Variants in ARID4A observed in about 807,000 individuals in gnomAD.
ARID4A encodes the protein AT-rich interactive domain-containing protein 4A.
In ARID4A, 39 loss-of-function variants were observed where a neutral mutation model predicts 148.6. That is an observed-to-expected ratio of 0.26 (90% confidence interval 0.20 to 0.34). The LOEUF (loss-of-function observed/expected upper bound fraction) is 0.34. ARID4A is among the 10% of genes least tolerant of loss of function. The pLI is 1.00. For missense variants in ARID4A, 1,265 were observed against 1,449.1 expected (o/e 0.87, Z 2.06); for synonymous variants, 475 against 481.2 (o/e 0.99, Z 0.17).
chr14:58,321,667 T>A (rs1199548343), intron 7 of ARID4A, among the ~76,000 whole-genome samples: 2 of 152,110 alleles, frequency 1.3e-5, no homozygotes, highest in Non-Finnish European at 2.9e-5. Flanking sequence ...ATATAATGAG[T>A]ATTTTTAAAG....
intron 5 of ARID4A, among the ~76,000 whole-genome samples, chr14:58,317,326 A>C (rs1339172720): frequency 6.0e-5 from 8 of 133,972 alleles, no homozygotes; most frequent in African/African-American, 2.0e-4. Flanking sequence ...GCTCTGTCGT[A>C]GAGGCTGGAG....
At chr14:58,351,452 G>T in intron 16 of ARID4A, 129 bp downstream of exon 16, 1 of 1,233,598 alleles carries the variant, frequency 8.1e-7, no homozygotes, top group Non-Finnish European at 1.1e-6. Context: ...GTCTAATGAA[G>T]GTGAGACACA....
chr14:58,329,977 C>T (rs776025982), intron 10 of ARID4A, 26 bp from the exon 11 acceptor site: 1 of 1,585,562 alleles, frequency 6.3e-7, no homozygotes, highest in Admixed American at 1.9e-5. Context: ...TCCATAGCAA[C>T]TGCTGAAGTA....
rs749813377 is a variant in ARID4A, at chr14:58,347,825, A to T, written c.1351A>T (p.Ile451Phe). 5 of 1,613,792 alleles carry T rather than the reference A, an allele frequency of 3.1e-6. No individual in the cohort carries two copies. In the South Asian group the frequency reaches 5.5e-5, roughly 18 times the overall value. ...AGTGAAGAGTGAACCTGAGGAAAAT[A>T]TCGATTCAAACAGTGAAAGTGAAAG... is the stretch of plus-strand genomic sequence containing the variant. ...TEVKSEPEEN[I>F]DSNSESEREE... Residue 451 changes from isoleucine (I) to phenylalanine (F), a missense_variant, in exon 15 of 24, where the codon ATC (isoleucine) becomes TTC (phenylalanine). Physicochemically the swap from Ile to Phe is conservative, Grantham distance 21. Coordinates refer to ENST00000355431, the MANE Select transcript of ARID4A (RefSeq NM_002892.4).
chr14:58,342,183 G>GA (rs2034146744), intron 11 of ARID4A, among the ~76,000 whole-genome samples: 1 of 152,220 alleles, frequency 6.6e-6, no homozygotes, highest in South Asian at 2.1e-4. Context: ...TATTGTAAGA[G>GA]ATAAGCAATT....
At chr14:58,310,656 G>A (rs2031954990) in intron 5 of ARID4A, among the ~76,000 whole-genome samples, 1 of 150,300 alleles carries the variant, frequency 6.7e-6, no homozygotes, top group African/African-American at 2.4e-5. Context: ...ACTTGAAATT[G>A]TCAAACCACT....
intron 5 of ARID4A, among the ~76,000 whole-genome samples, chr14:58,312,512 G>A (rs567987797): frequency 3.3e-5 from 5 of 151,894 alleles, no homozygotes; most frequent in South Asian, 2.1e-4. Flanking sequence ...CTCCGTGCCC[G>A]GTGAAATAAA....
Position 58,365,592 on chromosome 14 carries a change from G to A in ARID4A, c.3286G>A (p.Ala1096Thr). The change falls in exon 21 of 24, where the codon GCT (alanine) becomes ACT (threonine). Residue 1096 changes from alanine to threonine, a missense_variant. By Grantham distance (58) the Ala-to-Thr change is moderately conservative. Around this residue, in one of 9 missense-constraint regions of ARID4A, gnomAD observed 666 missense variants for 730.9 expected, o/e 0.91. Transcript: ENST00000355431. The part of the protein sequence containing the change: ...KQKRTPKRTS[A>T]AAKNEKNGTG... ...AAAGCGTACCCCAAAGCGAACAAGT[G>A]CTGCAGCCAAAAATGAAAAGAATGG... 1 of 1,608,636 alleles carries A rather than the reference G, an allele frequency of 6.2e-7. No individual in the cohort carries two copies. Among genetic ancestry groups the A allele is most frequent in the Non-Finnish European group, 8.5e-7 (1 of 1,178,084 alleles).
At chr14:58,336,450 A>G (rs929816947) in intron 11 of ARID4A, among the ~76,000 whole-genome samples, 2 of 152,098 alleles carry the variant, frequency 1.3e-5, no homozygotes, top group Non-Finnish European at 1.5e-5. Context: ...CAGACTTACT[A>G]TTTGTTTTGT....
At chr14:58,311,916 G>T (rs1053800102) in intron 5 of ARID4A, among the ~76,000 whole-genome samples, 22 of 149,832 alleles carry the variant, frequency 1.5e-4, no homozygotes, top group Admixed American at 1.3e-3. Context: ...CAGGGGTGGG[G>T]GCAGCTTGGT....
At chr14:58,358,005 C>T (rs1294958758) in intron 17 of ARID4A, among the ~76,000 whole-genome samples, 1 of 151,988 alleles carries the variant, frequency 6.6e-6, no homozygotes, top group Non-Finnish European at 1.5e-5. Flanking sequence ...GAATTCAAGA[C>T]CAGCCTGGGC....
chr14:58,337,266 A>G (rs1284485835), intron 11 of ARID4A, among the ~76,000 whole-genome samples: 1 of 138,076 alleles, frequency 7.2e-6, no homozygotes, highest in Non-Finnish European at 1.6e-5. Flanking sequence ...ATATATATAT[A>G]TAATTAAAAC....
intron 23 of ARID4A, 58 bp downstream of exon 23, chr14:58,367,087 G>C: frequency 7.8e-7 from 1 of 1,285,828 alleles, no homozygotes; most frequent in Non-Finnish European, 1.0e-6. Context: ...TATCATTTTA[G>C]AAGATTTAAA....
chr14:58,339,252 C>T (rs1406652511), intron 11 of ARID4A, among the ~76,000 whole-genome samples: 2 of 152,004 alleles, frequency 1.3e-5, no homozygotes, highest in African/African-American at 4.8e-5. Flanking sequence ...GCTAGGATTA[C>T]AGGCAGGAGC....
At chr14:58,310,195 A>C (rs2031915261) in intron 5 of ARID4A, among the ~76,000 whole-genome samples, 1 of 151,026 alleles carries the variant, frequency 6.6e-6, no homozygotes, top group South Asian at 2.1e-4. Flanking sequence ...AATTTCTTAA[A>C]TTTTCAGATT....
chr14:58,311,582 C>T (rs1232867166), intron 5 of ARID4A, among the ~76,000 whole-genome samples: 1 of 152,174 alleles, frequency 6.6e-6, no homozygotes, highest in African/African-American at 2.4e-5. Context: ...CAATCCCACT[C>T]CTGGGTATAT....
At chr14:58,371,690 T>C (rs542572567) in intron 23 of ARID4A, among the ~76,000 whole-genome samples, 196 bp from the exon 24 acceptor site, 6 of 152,326 alleles carry the variant, frequency 3.9e-5, no homozygotes, top group African/African-American at 1.2e-4. Flanking sequence ...TGAGTAGTGC[T>C]TAACTGACCA....
intron 16 of ARID4A, among the ~76,000 whole-genome samples, chr14:58,352,465 CAT>C (rs1453702822): frequency 3.3e-5 from 5 of 151,972 alleles, no homozygotes; most frequent in East Asian, 3.8e-4. Flanking sequence ...GTATATAAAA[CAT>C]ATAATACATC....
In ARID4A at chr14:58,366,199, C is replaced by G; in HGVS notation, c.3492C>G (p.Ser1164=). 6 of 1,613,604 alleles carry G rather than the reference C, an allele frequency of 3.7e-6. No homozygotes were observed. Among genetic ancestry groups the G allele is most frequent in the Non-Finnish European group, 5.1e-6 (6 of 1,179,674 alleles). The change falls in exon 22 of 24, where the codon TCC becomes TCG. Residue 1164 remains serine (S), a synonymous_variant. Transcript: ENST00000355431. ...DKHREKHPNS[S]PRTYKWSFQL... ...ACAGAGAAAAACATCCGAATTCATC[C>G]CCTAGGACATATAAATGGAGCTTTC...
Sources: allele counts gnomAD v4.1 joint callset (sites outside exome capture counted in the v4.1 genomes callset), GRCh38; gene constraint gnomAD v4.1.1; regional missense constraint gnomAD v4.1.1; transcripts MANE v1.5; gene names NCBI Gene and HGNC (gene_info 2026-07-23, HGNC 2026-07-21).